ATP2B4: variants seen among roughly 807,000 people sequenced by gnomAD.
The protein encoded by ATP2B4 is plasma membrane calcium-transporting ATPase 4.
In ATP2B4, 39 loss-of-function variants were observed where a neutral mutation model predicts 110.3. That is an observed-to-expected ratio of 0.35 (90% CI 0.27 to 0.46). ATP2B4 has a LOEUF of 0.46. Ranked by LOEUF, ATP2B4 falls within the 20% of genes least tolerant of loss-of-function variation. The pLI is 1.00. For synonymous variants in ATP2B4, 538 were observed against 571.7 expected, an observed-to-expected ratio of 0.94 and a Z score of 0.84; for missense variants, 1,135 against 1,530.9, an observed-to-expected ratio of 0.74 and a Z score of 4.32.
chr1:203,630,837 C>T (rs1329723107), intron 1 of ATP2B4, among the ~76,000 whole-genome samples: 2 of 152,202 alleles, frequency 1.3e-5, no homozygotes, highest in Non-Finnish European at 2.9e-5. Context: ...AACCTTTCTC[C>T]ACTCATGTCC....
At chr1:203,678,522 G>A (rs1664898141) in intron 1 of ATP2B4, among the ~76,000 whole-genome samples, 1 of 151,298 alleles carries the variant, frequency 6.6e-6, no homozygotes, top group Non-Finnish European at 1.5e-5. Flanking sequence ...TCCCACCTCA[G>A]CCTCCCAACT....
intron 12 of ATP2B4, among the ~76,000 whole-genome samples, chr1:203,711,475 G>A (rs767710909): frequency 2.0e-5 from 3 of 152,130 alleles, no homozygotes; most frequent in African/African-American, 7.2e-5. Context: ...GGATTGAAAA[G>A]TCTCTGCTTC....
chr1:203,663,598 G>GCT (rs899624081), intron 1 of ATP2B4, among the ~76,000 whole-genome samples: 5 of 151,268 alleles, frequency 3.3e-5, no homozygotes, highest in Non-Finnish European at 7.4e-5. Flanking sequence ...TCTACAGGCT[G>GCT]CTCTCTCTCT....
At position 203,741,365 on chromosome 1, in the gene ATP2B4, C is replaced by G. The variant is rs1666993386; in HGVS notation, c.*1511C>G. On this transcript the variant is annotated 3_prime_UTR_variant, in exon 21 of 21. Coordinates refer to ENST00000357681, the MANE Select transcript of ATP2B4 (RefSeq NM_001684.5). Reference sequence around the variant, plus strand: ...AAGCATCCCCTTCCCATCTGCCTCTCAGGAGTTGGGGACTTTGCTAGGAGA... The same window carrying G: ...AAGCATCCCCTTCCCATCTGCCTCTGAGGAGTTGGGGACTTTGCTAGGAGA... The G allele has an allele frequency of 6.6e-6, 1 of 152,622 alleles. No homozygotes were observed. The highest frequency in any genetic ancestry group is 2.1e-4 in the South Asian group (1 of 4,820). 9.5% of individuals were successfully genotyped at this position (152,622 alleles called of 1,614,324 possible).
In ATP2B4 at chr1:203,720,529, T is replaced by C; in HGVS notation, c.2407-20T>C. The C allele has an allele frequency of 1.3e-6, 2 of 1,582,698 alleles. No individual in the cohort carries two copies. The highest frequency in any genetic ancestry group is 1.7e-6 in the Non-Finnish European group (2 of 1,163,960). ...GGCTTTATCCACTCCCTCACTGTTT[T>C]CCCTCCCATCTTACCTCAGGGCATC... On this transcript the variant is annotated intron_variant, in intron 15 of 20. Coordinates refer to ENST00000357681, the MANE Select transcript of ATP2B4 (RefSeq NM_001684.5).
In ATP2B4 at chr1:203,722,573, A is replaced by G; in HGVS notation, c.2908A>G (p.Met970Val). 6.2e-7 allele frequency: 1 copy of G among 1,614,192 alleles called. No individual in the cohort carries two copies. The highest frequency in any genetic ancestry group is 1.7e-5 in the Admixed American group (1 of 60,028). Residue 970 changes from methionine (M) to valine (V), a missense_variant, in exon 18 of 21, where the codon ATG (methionine) becomes GTG (valine). Physicochemically the swap from Met to Val is conservative, Grantham distance 21. This residue lies in a region of ATP2B4 where 155 missense variants were observed against 186.2 expected (regional missense o/e 0.83). Transcript: ENST00000357681. Reference sequence around the variant, plus strand: ...CATTGTTTTTAACACCTTCGTGCTGATGCAGCTCTTCAATGAAATCAACTC... The same window carrying G: ...CATTGTTTTTAACACCTTCGTGCTGGTGCAGCTCTTCAATGAAATCAACTC... ...YTIVFNTFVL[M>V]QLFNEINSRK...
chr1:203,688,737 C>G (rs1056918960), intron 2 of ATP2B4, among the ~76,000 whole-genome samples: 2 of 151,996 alleles, frequency 1.3e-5, no homozygotes, highest in African/African-American at 4.8e-5. Context: ...TGGCCTTCAG[C>G]AACAACCAGA....
At position 203,741,855 on chromosome 1, in the gene ATP2B4, T is replaced by C. The variant is rs1423891227; in HGVS notation, c.*2001T>C. On this transcript the variant is annotated 3_prime_UTR_variant, in exon 21 of 21. Transcript: ENST00000357681. ...CTCACCCAAGGTGTTAGGTTTCACA[T>C]ATATATTCATCAACTATTTTAGAAG... The C allele has an allele frequency of 6.6e-6, 1 of 152,666 alleles. No individual in the cohort carries two copies. The highest frequency in any genetic ancestry group is 1.5e-5 in the Non-Finnish European group (1 of 68,038). 9.5% of individuals were successfully genotyped at this position (152,666 alleles called of 1,614,324 possible). A position where few individuals can be genotyped will look rare whatever the true frequency, so the allele number is the denominator to read the frequency against.
intron 10 of ATP2B4, 37 bp from the exon 11 acceptor site, chr1:203,709,264 T>C: frequency 6.2e-7 from 1 of 1,611,264 alleles, no homozygotes; most frequent in East Asian, 2.2e-5. Flanking sequence ...TGTCAAGGCA[T>C]CTTACTCAAT....
rs1434588243 is a variant in ATP2B4 at position 203,741,820 on chromosome 1, A to C, written c.*1966A>C. On this transcript the variant is annotated 3_prime_UTR_variant, in exon 21 of 21. Coordinates refer to ENST00000357681, the MANE Select transcript of ATP2B4 (RefSeq NM_001684.5). ...TTTGTGTCTTAAATACTCATAGGGG[A>C]AAAAAACAGCTCACCCAAGGTGTTA... 1 of 152,706 alleles carries C rather than the reference A, an allele frequency of 6.5e-6. No individual in the cohort carries two copies. Among genetic ancestry groups the C allele is most frequent in the East Asian group, 1.9e-4 (1 of 5,186 alleles). 9.5% of individuals were successfully genotyped at this position (152,706 alleles called of 1,614,324 possible).
chr1:203,656,019 C>T (rs913758882), intron 1 of ATP2B4, among the ~76,000 whole-genome samples: 3 of 151,922 alleles, frequency 2.0e-5, no homozygotes, highest in Non-Finnish European at 4.4e-5. Context: ...ATTCTCTCAA[C>T]TCAGCCTCCC....
intron 7 of ATP2B4, 46 bp from the exon 8 acceptor site, chr1:203,703,606 C>T (rs944669339): frequency 1.6e-5 from 26 of 1,593,076 alleles, no homozygotes; most frequent in Non-Finnish European, 1.5e-5. Flanking sequence ...CCACTCAGTG[C>T]TACCACCTTG....
At position 203,629,945 on chromosome 1, in the gene ATP2B4, C is replaced by A. The variant is rs1663213304; in HGVS notation, c.-465+2726C>A. On this transcript the variant is annotated intron_variant, in intron 1 of 20. Transcript: ENST00000357681. This position sits in a 1 kb window ranked among gnomAD's most constrained non-coding sequence, Gnocchi z 4.6. ...GGCCTTGGAATCAGCCTGACGCCAG[C>A]GAGTTCCTAACCCGCCGTCTGGCCT... Among the ~76,000 whole-genome samples, 1 of 152,150 alleles carries A rather than the reference C, an allele frequency of 6.6e-6. No homozygotes were observed. The highest frequency in any genetic ancestry group is 1.5e-5 in the Non-Finnish European group (1 of 68,030).
chr1:203,697,697 C>CT (rs1484409341), intron 2 of ATP2B4, among the ~76,000 whole-genome samples: 1 of 152,050 alleles, frequency 6.6e-6, no homozygotes, highest in Non-Finnish European at 1.5e-5. Flanking sequence ...AGGAAAGGGT[C>CT]TTTTTTATTT....
chr1:203,698,015 AT>A, intron 2 of ATP2B4, 141 bp from the exon 3 acceptor site: 1 of 714,122 alleles, frequency 1.4e-6, no homozygotes. Context: ...TCTTTATTTT[AT>A]TTATTTTTGA....
chr1:203,628,794 G>T (rs1024510791), intron 1 of ATP2B4, among the ~76,000 whole-genome samples: 14 of 152,276 alleles, frequency 9.2e-5, no homozygotes, highest in Admixed American at 2.6e-4. Context: ...CGAGGGGCTG[G>T]GCCAGGAGTG....
intron 2 of ATP2B4, among the ~76,000 whole-genome samples, chr1:203,687,272 AG>A (rs1665224576): frequency 6.6e-6 from 1 of 151,670 alleles, no homozygotes; most frequent in African/African-American, 2.4e-5. Context: ...AAGAAAGAAA[AG>A]AAAGAAAAGA....
At chr1:203,735,811 T>C (rs1301149142) in intron 20 of ATP2B4, among the ~76,000 whole-genome samples, 1 of 152,218 alleles carries the variant, frequency 6.6e-6, no homozygotes, top group Non-Finnish European at 1.5e-5. Flanking sequence ...TAGCTTCTGT[T>C]CTGTTTTAAT....
intron 13 of ATP2B4, among the ~76,000 whole-genome samples, chr1:203,712,823 A>G (rs1340421181): frequency 2.0e-5 from 3 of 152,124 alleles, no homozygotes; most frequent in African/African-American, 4.8e-5. Flanking sequence ...CCTGAGCTAC[A>G]TAGAAATCAA....
Sources: allele counts gnomAD v4.1 joint callset (sites outside exome capture counted in the v4.1 genomes callset), GRCh38; gene constraint gnomAD v4.1.1; regional missense constraint gnomAD v4.1.1; non-coding constraint Gnocchi (gnomAD v3.1); transcripts MANE v1.5; gene names NCBI Gene and HGNC (gene_info 2026-07-23, HGNC 2026-07-21).